Variants in DNER observed in about 807,000 individuals in gnomAD.
The protein encoded by DNER is delta/notch like EGF repeat containing.
DNER carries 33 observed loss-of-function variants against 78.2 expected under a neutral mutation model. The ratio of observed to expected loss-of-function variants is 0.42; its 90% CI spans 0.32 to 0.56. DNER has a LOEUF of 0.56. DNER is among the 20% of genes least tolerant of loss of function. The pLI is 0.11. For missense variants in DNER, 918 were observed against 975.3 expected (o/e 0.94, Z 0.78); for synonymous variants, 417 against 384.8 (o/e 1.08, Z -0.98).
chr2:229,682,269 C>T (rs868652657), intron 1 of DNER, among the ~76,000 whole-genome samples: 8 of 152,276 alleles, frequency 5.3e-5, no homozygotes, highest in Middle Eastern at 3.4e-3. Flanking sequence ...CCTAAGAAAC[C>T]TTGTACATAG....
rs184762507 is a variant in DNER at position 229,425,842 on chromosome 2, G to A, written c.1487-7612C>T. Among the ~76,000 whole-genome samples the A allele has an allele frequency of 9.2e-5, 14 of 152,282 alleles. No homozygotes were observed. In the East Asian group the frequency reaches 9.7e-4, roughly 11 times the overall value. ...GCTGCCTCAGGCAAACAGGACCTTC[G>A]AAGACCATGGTGCTGTGATCAGGAC... On this transcript the variant is annotated intron_variant, in intron 8 of 12. Transcript: ENST00000341772.
chr2:229,514,819 C>T (rs540146292), intron 5 of DNER, among the ~76,000 whole-genome samples: 4 of 152,286 alleles, frequency 2.6e-5, no homozygotes, highest in African/African-American at 9.6e-5. Flanking sequence ...CCCTCACAAA[C>T]CAACCAAGAG....
Sources: gnomAD v4.1 joint callset for allele counts (sites outside exome capture counted in the v4.1 genomes callset) on GRCh38, gnomAD v4.1.1 for gene constraint, MANE v1.5 for transcripts, NCBI Gene and HGNC (gene_info 2026-07-23, HGNC 2026-07-21) for gene names.